The following FNDC1 variants were observed in gnomAD, a reference collection of about 807,000 sequenced individuals.
The protein encoded by FNDC1 is fibronectin type III domain containing 1, also known as fibronectin type III domain-containing protein 1.
A neutral mutation model predicts 168.0 loss-of-function variants in FNDC1; 96 were observed. The ratio of observed to expected loss-of-function variants is 0.57; its 90% CI spans 0.48 to 0.68. The LOEUF is 0.68. Ranked by LOEUF, FNDC1 falls within the 30% of genes least tolerant of loss-of-function variation. The pLI, the probability that FNDC1 is intolerant of heterozygous loss-of-function variation, is 0.00. For synonymous variants in FNDC1, 1,099 were observed against 1,025.9 expected, an observed-to-expected ratio of 1.07 and a Z score of -1.36; for missense variants, 2,587 against 2,482.1, an observed-to-expected ratio of 1.04 and a Z score of -0.90.
intron 16 of FNDC1, among the ~76,000 whole-genome samples, chr6:159,250,845 G>A (rs538021402): frequency 6.6e-6 from 1 of 152,144 alleles, no homozygotes; most frequent in Non-Finnish European, 1.5e-5. Context: ...GGCCACCCAG[G>A]GTTGAAGCTA....
chr6:159,271,256 CTGT>C, intron 22 of FNDC1, 68 bp from the exon 23 acceptor site: 6 of 983,796 alleles, frequency 6.1e-6, no homozygotes, highest in Non-Finnish European at 9.5e-6. Flanking sequence ...CTGAAGGAGG[CTGT>C]AAGGATGAGT....
intron 1 of FNDC1, among the ~76,000 whole-genome samples, chr6:159,187,492 T>C (rs2114932626): frequency 6.6e-6 from 1 of 152,330 alleles, no homozygotes; most frequent in South Asian, 2.1e-4. Flanking sequence ...CAATGCCAAC[T>C]GTGGAAAACA....
In FNDC1 at chr6:159,234,035, G is replaced by T. The variant is rs375266642; in HGVS notation, c.3523G>T (p.Val1175Phe). The T allele has an allele frequency of 6.2e-7, 1 of 1,611,906 alleles. No individual in the cohort carries two copies. Among genetic ancestry groups the T allele is most frequent in the African/African-American group, 1.3e-5 (1 of 75,040 alleles). ...RPLSSKSQQS[V>F]SAEDDEEEDA... Reference sequence around the variant, plus strand: ...CCTGTCCTCCAAGTCCCAGCAGTCGGTCTCAGCCGAGGACGACGAGGAGGA... The same window carrying T: ...CCTGTCCTCCAAGTCCCAGCAGTCGTTCTCAGCCGAGGACGACGAGGAGGA... The change falls in exon 11 of 23, where the codon GTC becomes TTC. Residue 1175 changes from valine (V) to phenylalanine (F), a missense_variant. Val to Phe is a conservative substitution (Grantham distance 50). Transcript: ENST00000297267.
intron 1 of FNDC1, among the ~76,000 whole-genome samples, chr6:159,182,095 A>T (rs1414963810): frequency 1.3e-5 from 2 of 152,154 alleles, no homozygotes; most frequent in African/African-American, 4.8e-5. Flanking sequence ...CACCCAAAGG[A>T]TGTGAGGCCT....
intron 22 of FNDC1, among the ~76,000 whole-genome samples, chr6:159,270,410 CA>C (rs1777718122): frequency 6.6e-6 from 1 of 152,178 alleles, no homozygotes; most frequent in Non-Finnish European, 1.5e-5. Flanking sequence ...AACAAATCTA[CA>C]AACTATATCA....
chr6:159,232,530 G>A lies in FNDC1; in HGVS notation c.2018G>A (p.Ser673Asn), dbSNP rs376493407. The change falls in exon 11 of 23, where the codon AGC (serine) becomes AAC (asparagine). Residue 673 changes from serine (S) to asparagine (N), a missense_variant. Ser to Asn is a conservative substitution (Grantham distance 46). Coordinates refer to ENST00000297267, the MANE Select transcript of FNDC1 (RefSeq NM_032532.3). This position sits in a 1 kb window ranked among gnomAD's most constrained non-coding sequence, Gnocchi z 4.9. ...FAQPRPALSP[S>N]RQSPSSVLRD... ...CAGCCCCGGCCAGCCCTGTCCCCCA[G>A]CCGCCAGTCCCCGTCCAGCGTTCTC... 2.5e-5 allele frequency: 40 copies of A among 1,611,954 alleles called. No individual in the cohort carries two copies. Among genetic ancestry groups the A allele is most frequent in the Non-Finnish European group, 4.2e-6 (5 of 1,179,322 alleles).
At chr6:159,185,072 G>GT (rs1159798157) in intron 1 of FNDC1, among the ~76,000 whole-genome samples, 3 of 106,618 alleles carry the variant, frequency 2.8e-5, no homozygotes, top group African/African-American at 3.7e-5. Context: ...GAGGGTGGGG[G>GT]GGGGGGAATC....
In FNDC1 at chr6:159,231,945, C is replaced by T. The variant is rs779289857; in HGVS notation, c.1433C>T (p.Ser478Phe). 1 of 1,613,904 alleles carries T rather than the reference C, an allele frequency of 6.2e-7. No individual in the cohort carries two copies. The highest frequency in any genetic ancestry group is 8.5e-7 in the Non-Finnish European group (1 of 1,179,876). Residue 478 changes from serine (S) to phenylalanine (F), a missense_variant, in exon 11 of 23, where the codon TCC (serine) becomes TTC (phenylalanine). Transcript: ENST00000297267. ...DNGKPEKPEP[S>F]SPSPRAPASS... ...GGGAAACCCGAAAAACCTGAGCCTT[C>T]CTCACCTTCTCCCAGAGCTCCAGCT... is the stretch of plus-strand genomic sequence containing the variant.
At chr6:159,250,337 G>T (rs1583911277) in intron 16 of FNDC1, among the ~76,000 whole-genome samples, 1 of 152,278 alleles carries the variant, frequency 6.6e-6, no homozygotes, top group East Asian at 1.9e-4. Flanking sequence ...CTTGACTTCT[G>T]CCTTAGTTTC....
Position 159,266,109 on chromosome 6 carries a change from C to G in FNDC1, c.5310C>G (p.Phe1770Leu). ...PPGGEPIWIPFAFKHDPSYTD... is the reference protein window; with the variant it reads ...PPGGEPIWIPLAFKHDPSYTD... ...GCGGTGAGCCTATCTGGATCCCATTCGCTTTCAAACATGATCCCAGCTACA... is the reference window on the plus strand; with the variant it reads ...GCGGTGAGCCTATCTGGATCCCATTGGCTTTCAAACATGATCCCAGCTACA... Residue 1770 changes from phenylalanine (F) to leucine (L), a missense_variant, in exon 21 of 23, where the codon TTC (phenylalanine) becomes TTG (leucine). Coordinates refer to ENST00000297267, the MANE Select transcript of FNDC1 (RefSeq NM_032532.3). 6.2e-7 allele frequency: 1 copy of G among 1,613,858 alleles called. No individual in the cohort carries two copies. Among genetic ancestry groups the G allele is most frequent in the African/African-American group, 1.3e-5 (1 of 75,042 alleles).
In FNDC1 at chr6:159,221,602, G is replaced by A. The variant is rs755297939; in HGVS notation, c.672G>A (p.Ser224=). Residue 224 remains serine (S), a synonymous_variant, in exon 6 of 23, where the codon TCG becomes TCA. Transcript: ENST00000297267. The stretch of plus-strand genomic sequence containing the variant: ...CCCTCACTCCCTGGTCCACAGCCTC[G>A]GAATCCGTGTATGTGGTCTCCCTGC... ...ERTHEIKKLA[S]ESVYVVSLQS... 3 of 1,613,624 alleles carry A rather than the reference G, an allele frequency of 1.9e-6. No individual in the cohort carries two copies. Among genetic ancestry groups the A allele is most frequent in the Admixed American group, 3.3e-5 (2 of 60,008 alleles).
intron 1 of FNDC1, among the ~76,000 whole-genome samples, chr6:159,197,218 G>T (rs915917105): frequency 6.6e-6 from 1 of 152,122 alleles, no homozygotes; most frequent in Non-Finnish European, 1.5e-5. Flanking sequence ...ACCACCTACG[G>T]TTATCCAAAA....
Position 159,239,837 on chromosome 6 carries a change from AC to A in FNDC1, c.4503del (p.Thr1502ProfsTer25). ...AACCACTACGCGGACAACCACCACC[AC>A]CACCCCCACACCCACCACTCCCATC... Reference protein sequence around the residue: ...VRTTTRTTTTTTPTPTTPIPT... With the variant: ...VRTTTRTTTTXTPTPTTPIPT... On this transcript the variant is annotated frameshift_variant, in exon 14 of 23. Transcript: ENST00000297267. LOFTEE classifies it high-confidence loss of function. 6.5e-7 allele frequency: 1 copy of A among 1,545,036 alleles called. No homozygotes were observed. Among genetic ancestry groups the A allele is most frequent in the Non-Finnish European group, 8.8e-7 (1 of 1,142,198 alleles).
At chr6:159,243,017 G>T (rs1355853167) in intron 14 of FNDC1, among the ~76,000 whole-genome samples, 1 of 152,098 alleles carries the variant, frequency 6.6e-6, no homozygotes, top group Non-Finnish European at 1.5e-5. Context: ...TGTTCTACTT[G>T]ATCTGACTTC....
chr6:159,206,513 G>A (rs537361220), intron 4 of FNDC1, among the ~76,000 whole-genome samples: 5 of 152,296 alleles, frequency 3.3e-5, no homozygotes, highest in African/African-American at 4.8e-5. Context: ...TGCATTTGGC[G>A]GTTGCTTCTG....
chr6:159,232,207 C>T lies in FNDC1; in HGVS notation c.1695C>T (p.Thr565=). The stretch of plus-strand genomic sequence containing the variant: ...CAGACACCCAAGACCAGAAACGGAC[C>T]CTGAGGCCGCCAAGTAGACACGGCC... ...SPSDTQDQKR[T]LRPPSRHGHS... is the part of the protein sequence containing the mutation. Residue 565 remains threonine (T), a synonymous_variant, in exon 11 of 23, where the codon ACC becomes ACT. Coordinates refer to ENST00000297267, the MANE Select transcript of FNDC1 (RefSeq NM_032532.3). The surrounding 1 kb of genome is among the most constrained non-coding windows in gnomAD (Gnocchi z 4.9). 2.5e-6 allele frequency: 4 copies of T among 1,613,384 alleles called. No homozygotes were observed. The highest frequency in any genetic ancestry group is 3.4e-6 in the Non-Finnish European group (4 of 1,179,684).
At chr6:159,201,341 C>T (rs1039079538) in intron 4 of FNDC1, among the ~76,000 whole-genome samples, 2 of 152,172 alleles carry the variant, frequency 1.3e-5, no homozygotes, top group East Asian at 3.9e-4. Context: ...TGATTATCTG[C>T]TTTTCAGACC....
chr6:159,208,847 T>TTTAA (rs1554306362), intron 4 of FNDC1, among the ~76,000 whole-genome samples: 2 of 140,128 alleles, frequency 1.4e-5, no homozygotes, highest in Admixed American at 1.4e-4. Context: ...ATTTTTAATT[T>TTTAA]TTTTTTTTTT....
At chr6:159,171,709 C>T (rs1251081178) in intron 1 of FNDC1, among the ~76,000 whole-genome samples, 1 of 152,188 alleles carries the variant, frequency 6.6e-6, no homozygotes, top group African/African-American at 2.4e-5. Context: ...CAATAGGATA[C>T]TATGCAAACA....
Sources: gnomAD v4.1 joint callset for allele counts (sites outside exome capture counted in the v4.1 genomes callset) on GRCh38, gnomAD v4.1.1 for gene constraint, Gnocchi (gnomAD v3.1) non-coding constraint, MANE v1.5 for transcripts, NCBI Gene and HGNC (gene_info 2026-07-23, HGNC 2026-07-21) for gene names.